Variants in DTNB observed in about 807,000 individuals in gnomAD.
DTNB encodes the protein dystrobrevin beta, also known as DTN-B.
In DTNB, 63 loss-of-function variants were observed where a neutral mutation model predicts 90.7. That is an observed-to-expected ratio of 0.69 (90% CI 0.57 to 0.86). The LOEUF is 0.86. DTNB is among the 40% of genes least tolerant of loss of function. The pLI is 0.00. For synonymous variants in DTNB, 277 were observed against 286.7 expected (o/e 0.97, Z 0.34); for missense variants, 744 against 807.1 (o/e 0.92, Z 0.95).
At chr2:25,396,324 A>T (rs1269106428) in intron 16 of DTNB, among the ~76,000 whole-genome samples, 1 of 152,190 alleles carries the variant, frequency 6.6e-6, no homozygotes, top group African/African-American at 2.4e-5. Flanking sequence ...CAGCCTGGCC[A>T]ACATGGTGAA....
At chr2:25,388,563 G>A in intron 16 of DTNB, 1 of 626,154 alleles carries the variant, frequency 1.6e-6, no homozygotes, top group Non-Finnish European at 2.6e-6. Context: ...GGCGTGCAGG[G>A]CAGAGAGAGA....
chr2:25,589,894 A>G (rs1336038695), intron 6 of DTNB, among the ~76,000 whole-genome samples: 4 of 152,118 alleles, frequency 2.6e-5, no homozygotes, highest in African/African-American at 9.7e-5. Flanking sequence ...CCTGGATCCC[A>G]TGCCTACCAA....
intron 3 of DTNB, 109 bp from the exon 4 acceptor site, chr2:25,628,493 T>A (rs1159818661): frequency 3.2e-5 from 34 of 1,054,324 alleles, no homozygotes; most frequent in African/African-American, 6.4e-5. Flanking sequence ...GAGAAGAAAC[T>A]CTTTAGCCAA....
intron 10 of DTNB, among the ~76,000 whole-genome samples, chr2:25,466,529 G>A (rs926880269): frequency 3.3e-5 from 5 of 152,198 alleles, no homozygotes; most frequent in Non-Finnish European, 4.4e-5. Flanking sequence ...ACCAAGTGCC[G>A]TGTTAGAGAA....
At chr2:25,491,158 G>GACACACATAC in intron 9 of DTNB, among the ~76,000 whole-genome samples, 1 of 150,628 alleles carries the variant, frequency 6.6e-6, no homozygotes, top group East Asian at 1.9e-4. Flanking sequence ...CACACACACA[G>GACACACATAC]ACACACACAC....
intron 10 of DTNB, among the ~76,000 whole-genome samples, chr2:25,462,489 T>C (rs1396511162): frequency 1.3e-5 from 2 of 152,196 alleles, no homozygotes; most frequent in Non-Finnish European, 2.9e-5. Context: ...TTTAATCCAG[T>C]TGGACAATAA....
At chr2:25,556,164 ATCTC>A (rs1306851073) in intron 8 of DTNB, among the ~76,000 whole-genome samples, 3 of 125,878 alleles carry the variant, frequency 2.4e-5, no homozygotes, top group African/African-American at 3.3e-5. Context: ...TGTTTTGGCC[ATCTC>A]TCTTTTTTTT....
At chr2:25,391,117 C>T (rs1003267035) in intron 16 of DTNB, among the ~76,000 whole-genome samples, 2 of 151,720 alleles carry the variant, frequency 1.3e-5, no homozygotes, top group African/African-American at 2.4e-5. Flanking sequence ...AGGATGGTCT[C>T]GATCTCCTGA....
intron 8 of DTNB, among the ~76,000 whole-genome samples, chr2:25,556,598 T>C (rs758087063): frequency 3.3e-5 from 5 of 152,156 alleles, no homozygotes; most frequent in Non-Finnish European, 5.9e-5. Flanking sequence ...TACAATCTAA[T>C]GAAATATATA....
chr2:25,587,130 T>C (rs1186196341), intron 6 of DTNB, among the ~76,000 whole-genome samples: 3 of 152,040 alleles, frequency 2.0e-5, no homozygotes, highest in Non-Finnish European at 4.4e-5. Context: ...GGTGAAAAGG[T>C]AGACTGTGGT....
In DTNB at chr2:25,531,819, A is replaced by G. The variant is rs960555821; in HGVS notation, c.877-222T>C. The stretch of plus-strand genomic sequence containing the variant: ...GCAGTTCCTCCCTCATGTTTACTAT[A>G]AAGTCACACTATCAAGTAATGTCAA... On this transcript the variant is annotated intron_variant, in intron 8 of 20. Coordinates refer to ENST00000406818, the MANE Select transcript of DTNB (RefSeq NM_021907.5). Among the ~76,000 whole-genome samples, 9 of 152,206 alleles carry G rather than the reference A, an allele frequency of 5.9e-5. No individual in the cohort carries two copies. The East Asian group carries it at 7.7e-4, about 13-fold the overall frequency.
At chr2:25,455,893 G>A (rs1252381794) in intron 10 of DTNB, among the ~76,000 whole-genome samples, 1 of 152,214 alleles carries the variant, frequency 6.6e-6, no homozygotes, top group East Asian at 1.9e-4. Flanking sequence ...TGACCCCCTA[G>A]CGCTATGCTT....
intron 4 of DTNB, among the ~76,000 whole-genome samples, chr2:25,610,548 G>T (rs577740443): frequency 4.0e-4 from 61 of 152,036 alleles, no homozygotes; most frequent in African/African-American, 1.4e-3. Flanking sequence ...ATTCATGAAT[G>T]AACTTTCACA....
intron 6 of DTNB, chr2:25,595,218 C>T (rs1056412437): frequency 6.6e-6 from 1 of 152,044 alleles, no homozygotes; most frequent in Non-Finnish European, 1.5e-5. Flanking sequence ...ATCAGTTTAT[C>T]CCTTTAGTGG....
intron 9 of DTNB, among the ~76,000 whole-genome samples, chr2:25,514,864 G>A (rs961609291): frequency 1.3e-5 from 2 of 151,818 alleles, no homozygotes; most frequent in African/African-American, 4.8e-5. Context: ...TGTATTTTTA[G>A]TAGAGATGAG....
chr2:25,396,443 G>A (rs1449122854), intron 16 of DTNB, among the ~76,000 whole-genome samples: 3 of 151,864 alleles, frequency 2.0e-5, no homozygotes, highest in Non-Finnish European at 4.4e-5. Flanking sequence ...CCCAGGAGGC[G>A]GAGGGTGCAG....
At chr2:25,526,362 A>T (rs1273100501) in intron 9 of DTNB, among the ~76,000 whole-genome samples, 14 of 99,816 alleles carry the variant, frequency 1.4e-4, no homozygotes, top group Non-Finnish European at 1.8e-4. Flanking sequence ...AATATATATA[A>T]ATATATATAT....
intron 6 of DTNB, among the ~76,000 whole-genome samples, chr2:25,581,134 C>T (rs2061503701): frequency 1.3e-5 from 2 of 151,992 alleles, no homozygotes; most frequent in Non-Finnish European, 2.9e-5. Context: ...TTTGTAGTGG[C>T]CTGGCCCAAA....
intron 2 of DTNB, among the ~76,000 whole-genome samples, chr2:25,642,515 G>T (rs2078563460): frequency 6.6e-6 from 1 of 151,428 alleles, no homozygotes; most frequent in African/African-American, 2.4e-5. Context: ...CTCGGGCTCA[G>T]GTGATTCACC....
Sources: gnomAD v4.1 joint callset for allele counts (sites outside exome capture counted in the v4.1 genomes callset) on GRCh38, gnomAD v4.1.1 for gene constraint, MANE v1.5 for transcripts, NCBI Gene and HGNC (gene_info 2026-07-23, HGNC 2026-07-21) for gene names.